Variants in RPS6KC1 observed in about 807,000 individuals in gnomAD.
RPS6KC1 encodes inactive ribosomal protein S6 kinase delta-1.
In RPS6KC1, 54 loss-of-function variants were observed where a neutral mutation model predicts 103.8. The ratio of observed to expected loss-of-function variants is 0.52; its 90% CI spans 0.42 to 0.65. The LOEUF is 0.65. RPS6KC1 is among the 30% of genes least tolerant of loss of function. The probability of loss-of-function intolerance (pLI) is 0.00; values close to 1 mark genes in which losing one functional copy is unlikely to be tolerated. For missense variants in RPS6KC1, 1,151 were observed against 1,253.8 expected (o/e 0.92, Z 1.24); for synonymous variants, 439 against 438.7 (o/e 1.00, Z -0.01).
the RPS6KC1 span, among the ~76,000 whole-genome samples, chr1:213,725,520 G>A: frequency 6.6e-6 from 1 of 152,314 alleles, no homozygotes; most frequent in South Asian, 2.1e-4. Context: ...AGTGTCCTGT[G>A]GCGTGGCCTC....
chr1:213,351,861 A>G, the RPS6KC1 span, among the ~76,000 whole-genome samples: 25 of 152,072 alleles, frequency 1.6e-4, no homozygotes, highest in Non-Finnish European at 3.1e-4. Flanking sequence ...TATCTACTTG[A>G]TTTTCTTAGG....
the RPS6KC1 span, among the ~76,000 whole-genome samples, chr1:213,789,958 G>T: frequency 2.0e-5 from 3 of 152,132 alleles, no homozygotes; most frequent in African/African-American, 7.2e-5. Context: ...ACTTTCAATG[G>T]TTTGTAACGA....
At chr1:213,201,362 TTTATA>T (rs1573228350) in intron 8 of RPS6KC1, among the ~76,000 whole-genome samples, 1 of 152,202 alleles carries the variant, frequency 6.6e-6, no homozygotes, top group East Asian at 1.9e-4. Flanking sequence ...ATGAAGAAGC[TTTATA>T]TTATATAATT....
intron 7 of RPS6KC1, among the ~76,000 whole-genome samples, chr1:213,173,706 A>G (rs1238673468): frequency 3.3e-5 from 5 of 152,178 alleles, no homozygotes; most frequent in Non-Finnish European, 7.3e-5. Context: ...TATTTTTAAG[A>G]GAGTGTTTTA....
intron 8 of RPS6KC1, among the ~76,000 whole-genome samples, chr1:213,198,639 TGGGAA>T (rs1293501009): frequency 6.6e-6 from 1 of 152,156 alleles, no homozygotes; most frequent in African/African-American, 2.4e-5. Context: ...AAAACTCAAA[TGGGAA>T]GAATAGACTA....
the RPS6KC1 span, among the ~76,000 whole-genome samples, chr1:213,661,121 C>T: frequency 6.6e-6 from 1 of 152,074 alleles, no homozygotes; most frequent in Non-Finnish European, 1.5e-5. Flanking sequence ...CTTCAGACCC[C>T]AGAGCTTAAG....
At chr1:213,404,241 G>A in the RPS6KC1 span, among the ~76,000 whole-genome samples, 4 of 152,134 alleles carry the variant, frequency 2.6e-5, no homozygotes, top group Non-Finnish European at 5.9e-5. Flanking sequence ...TTACACTGGG[G>A]TTGAGGTGGC....
intron 12 of RPS6KC1, among the ~76,000 whole-genome samples, chr1:213,249,327 A>G (rs964579657): frequency 6.6e-6 from 1 of 152,214 alleles, no homozygotes; most frequent in African/African-American, 2.4e-5. Flanking sequence ...ATCCCATAAC[A>G]TTTTGTAAAT....
chr1:213,507,258 G>A, the RPS6KC1 span, among the ~76,000 whole-genome samples: 2 of 152,068 alleles, frequency 1.3e-5, no homozygotes, highest in East Asian at 1.9e-4. Context: ...CTACCAACCC[G>A]CAGGGCCAAC....
At chr1:213,528,658 T>G in the RPS6KC1 span, among the ~76,000 whole-genome samples, 12 of 152,210 alleles carry the variant, frequency 7.9e-5, no homozygotes, top group Non-Finnish European at 1.8e-4. Context: ...CATGCCTTAG[T>G]AGCAGCATTG....
At position 213,077,759 on chromosome 1, in the gene RPS6KC1, A is replaced by G. The variant is rs2079478603; in HGVS notation, c.205A>G (p.Lys69Glu). The G allele has an allele frequency of 2.6e-6, 4 of 1,563,538 alleles. No homozygotes were observed. The highest frequency in any genetic ancestry group is 2.6e-6 in the Non-Finnish European group (3 of 1,145,774). The change falls in exon 3 of 15, where the codon AAA (lysine) becomes GAA (glutamate). Residue 69 changes from lysine (K) to glutamate (E), a missense_variant. Physicochemically the swap from Lys to Glu is moderately conservative, Grantham distance 56. This residue lies in a region of RPS6KC1 where 959 missense variants were observed against 1,006.3 expected (regional missense o/e 0.95). Coordinates refer to ENST00000366960, the MANE Select transcript of RPS6KC1 (RefSeq NM_012424.6). ...ACACAAAGAACTATGGCAAATTCAC[A>G]AAAACTTATTCCGACATTCAGAGTT... ...KLHKELWQIH[K>E]NLFRHSELFP...
At chr1:213,552,474 G>T in the RPS6KC1 span, among the ~76,000 whole-genome samples, 12 of 152,102 alleles carry the variant, frequency 7.9e-5, no homozygotes, top group Admixed American at 7.2e-4. Context: ...ATGATTTTGA[G>T]CATCTTCCAT....
At chr1:213,100,928 C>T (rs1041752075) in intron 3 of RPS6KC1, among the ~76,000 whole-genome samples, 6 of 152,022 alleles carry the variant, frequency 3.9e-5, no homozygotes, top group African/African-American at 7.2e-5. Context: ...TAGAATGATT[C>T]GTTTTCCTTT....
chr1:213,356,122 G>C, the RPS6KC1 span, among the ~76,000 whole-genome samples: 3 of 152,186 alleles, frequency 2.0e-5, no homozygotes, highest in African/African-American at 7.2e-5. Context: ...TGAATTCTTT[G>C]AGCTTACAGT....
the RPS6KC1 span, among the ~76,000 whole-genome samples, chr1:213,730,635 C>T: frequency 3.9e-5 from 6 of 151,942 alleles, no homozygotes; most frequent in African/African-American, 1.4e-4. Flanking sequence ...TTATTTCTTG[C>T]AAATTTGTTT....
chr1:213,596,536 A>T, the RPS6KC1 span, among the ~76,000 whole-genome samples: 77,011 of 152,128 alleles, frequency 0.51, 22,917 homozygotes, highest in Non-Finnish European at 0.65. Context: ...CACTATCAAC[A>T]TGTGTCCACT....
At chr1:213,393,455 T>C in the RPS6KC1 span, among the ~76,000 whole-genome samples, 40 of 152,354 alleles carry the variant, frequency 2.6e-4, no homozygotes, top group South Asian at 8.3e-3. Context: ...ATGGAGTTTT[T>C]AATCTCACTC....
At chr1:213,456,025 A>G in the RPS6KC1 span, among the ~76,000 whole-genome samples, 1 of 151,984 alleles carries the variant, frequency 6.6e-6, no homozygotes, top group Non-Finnish European at 1.5e-5. Flanking sequence ...TCATGCCCTT[A>G]CAACTGCTAC....
chr1:213,661,516 A>T, the RPS6KC1 span, among the ~76,000 whole-genome samples: 1 of 152,178 alleles, frequency 6.6e-6, no homozygotes, highest in African/African-American at 2.4e-5. Flanking sequence ...GGATTTCTTT[A>T]CAGTGATGTA....
Sources: allele counts gnomAD v4.1 joint callset (sites outside exome capture counted in the v4.1 genomes callset), GRCh38; gene constraint gnomAD v4.1.1; regional missense constraint gnomAD v4.1.1; transcripts MANE v1.5; gene names NCBI Gene and HGNC (gene_info 2026-07-23, HGNC 2026-07-21).